Variants in CTNNA3 observed in about 807,000 individuals in gnomAD.
CTNNA3 encodes catenin alpha 3.
A neutral mutation model predicts 95.7 loss-of-function variants in CTNNA3; 76 were observed. That is an observed-to-expected ratio of 0.79 (90% CI 0.66 to 0.96). The LOEUF (loss-of-function observed/expected upper bound fraction) is 0.96. CTNNA3 is among the 40% of genes least tolerant of loss of function. CTNNA3 has a pLI of 0.00. For synonymous variants in CTNNA3, 431 were observed against 374.4 expected (o/e 1.15, Z -1.74); for missense variants, 1,191 against 1,089.8 (o/e 1.09, Z -1.31).
intron 7 of CTNNA3, among the ~76,000 whole-genome samples, chr10:67,039,681 T>A (rs974722247): frequency 6.6e-6 from 1 of 152,140 alleles, no homozygotes; most frequent in Non-Finnish European, 1.5e-5. Flanking sequence ...ACCAGCATTA[T>A]GTAAACAGTT....
intron 13 of CTNNA3, among the ~76,000 whole-genome samples, chr10:66,115,598 G>GAT (rs1292417156): frequency 3.7e-5 from 5 of 136,160 alleles, no homozygotes; most frequent in African/African-American, 1.8e-4. Context: ...GATAGAGATA[G>GAT]AGATAGAGAT....
intron 7 of CTNNA3, among the ~76,000 whole-genome samples, chr10:67,169,097 T>G (rs1861904959): frequency 1.3e-5 from 2 of 152,146 alleles, no homozygotes; most frequent in Admixed American, 1.3e-4. Context: ...GAAAGATCTC[T>G]ATAACAAGAA....
At chr10:66,472,140 A>G (rs995663220) in intron 11 of CTNNA3, among the ~76,000 whole-genome samples, 2 of 151,988 alleles carry the variant, frequency 1.3e-5, no homozygotes, top group African/African-American at 2.4e-5. Context: ...TATACACATC[A>G]TAGAAGCTTG....
At chr10:66,930,503 T>C (rs932978857) in intron 7 of CTNNA3, among the ~76,000 whole-genome samples, 4 of 152,184 alleles carry the variant, frequency 2.6e-5, no homozygotes, top group Admixed American at 2.0e-4. Context: ...CTAAAGATGT[T>C]TGTATTAATG....
At chr10:67,002,090 T>C (rs1234868766) in intron 7 of CTNNA3, among the ~76,000 whole-genome samples, 1 of 152,140 alleles carries the variant, frequency 6.6e-6, no homozygotes, top group African/African-American at 2.4e-5. Flanking sequence ...TTTCTTCACC[T>C]AAAAAAATGA....
chr10:66,254,940 C>G (rs1337306638), intron 13 of CTNNA3, among the ~76,000 whole-genome samples: 2 of 152,302 alleles, frequency 1.3e-5, no homozygotes, highest in East Asian at 3.9e-4. Context: ...TGAGTGCACT[C>G]CTTGGTATTA....
chr10:67,622,650 A>G (rs1447770760), intron 2 of CTNNA3, among the ~76,000 whole-genome samples: 1 of 152,176 alleles, frequency 6.6e-6, no homozygotes, highest in Admixed American at 6.5e-5. Flanking sequence ...ATTTTAATCA[A>G]TTAGCTATGG....
intron 5 of CTNNA3, among the ~76,000 whole-genome samples, chr10:67,375,010 T>A (rs1282527070): frequency 6.6e-6 from 1 of 152,172 alleles, no homozygotes; most frequent in Non-Finnish European, 1.5e-5. Flanking sequence ...AGGAGGCACA[T>A]AGCCCTAAGA....
intron 13 of CTNNA3, among the ~76,000 whole-genome samples, chr10:66,240,614 T>C (rs186882954): frequency 5.3e-5 from 8 of 152,154 alleles, no homozygotes; most frequent in Admixed American, 1.3e-4. Context: ...GTTTTAAAAA[T>C]AGAGATTGGG....
chr10:67,479,471 T>C (rs1202531959), intron 5 of CTNNA3, among the ~76,000 whole-genome samples: 2 of 152,060 alleles, frequency 1.3e-5, no homozygotes, highest in African/African-American at 2.4e-5. Context: ...CACAAGTATA[T>C]TAAAATTAAA....
chr10:67,307,536 C>A (rs547918209), intron 5 of CTNNA3, among the ~76,000 whole-genome samples: 2 of 152,128 alleles, frequency 1.3e-5, no homozygotes, highest in South Asian at 4.1e-4. Flanking sequence ...TTCATATAAA[C>A]CACAGCACTA....
intron 15 of CTNNA3, among the ~76,000 whole-genome samples, chr10:66,030,626 C>T (rs971340254): frequency 5.9e-5 from 9 of 152,060 alleles, no homozygotes; most frequent in African/African-American, 2.2e-4. Context: ...CTAGGAAATA[C>T]CTTTCTGAAT....
chr10:66,478,587 A>G (rs1839407261), intron 11 of CTNNA3, among the ~76,000 whole-genome samples: 1 of 151,978 alleles, frequency 6.6e-6, no homozygotes, highest in African/African-American at 2.4e-5. Context: ...CTAATTTTTT[A>G]AAATTTGGAA....
At chr10:67,161,178 T>C (rs1861528791) in intron 7 of CTNNA3, among the ~76,000 whole-genome samples, 2 of 152,274 alleles carry the variant, frequency 1.3e-5, no homozygotes, top group Admixed American at 1.3e-4. Flanking sequence ...GTAGTTCTCT[T>C]ATTGAGTGCT....
intron 6 of CTNNA3, among the ~76,000 whole-genome samples, chr10:67,210,468 C>A (rs1457626247): frequency 6.6e-6 from 1 of 151,986 alleles, no homozygotes; most frequent in African/African-American, 2.4e-5. Context: ...TCATCTATTG[C>A]CTCTTTTTTG....
intron 1 of CTNNA3, among the ~76,000 whole-genome samples, chr10:67,762,379 C>A (rs7923900): frequency 0.12 from 17,965 of 148,700 alleles, 1,283 homozygotes; most frequent in Non-Finnish European, 0.16. Context: ...TCCCCTCCCC[C>A]CCCCAAAAAA....
chr10:67,248,316 C>T (rs1375494285), intron 5 of CTNNA3, among the ~76,000 whole-genome samples: 1 of 152,116 alleles, frequency 6.6e-6, no homozygotes, highest in Non-Finnish European at 1.5e-5. Flanking sequence ...CCAGCATAGG[C>T]AAGAGTGAGA....
chr10:66,557,894 C>A (rs1842439845), intron 10 of CTNNA3, among the ~76,000 whole-genome samples: 1 of 151,978 alleles, frequency 6.6e-6, no homozygotes, highest in African/African-American at 2.4e-5. Flanking sequence ...TTATATGTTT[C>A]ATTTATTTCT....
intron 7 of CTNNA3, among the ~76,000 whole-genome samples, chr10:66,801,096 C>T (rs1841410835): frequency 6.6e-6 from 1 of 151,334 alleles, no homozygotes; most frequent in South Asian, 2.1e-4. Flanking sequence ...CTAAGTTGTT[C>T]TCCACACCTC....
Sources: allele counts gnomAD v4.1 joint callset (sites outside exome capture counted in the v4.1 genomes callset), GRCh38; gene constraint gnomAD v4.1.1; transcripts MANE v1.5; gene names NCBI Gene and HGNC (gene_info 2026-07-23, HGNC 2026-07-21).